Variants in ZNF521 observed in about 807,000 individuals in gnomAD.
ZNF521 encodes LYST-interacting protein 3.
Under a neutral mutation model 105.5 loss-of-function variants are expected in ZNF521, and 14 were observed. The observed-to-expected ratio is 0.13, with a 90% CI of 0.09 to 0.21. The LOEUF is 0.21. ZNF521 is among the 10% of genes least tolerant of loss of function. The probability of loss-of-function intolerance (pLI) is 1.00; values close to 1 mark genes in which losing one functional copy is unlikely to be tolerated. For missense variants in ZNF521, 1,233 were observed against 1,629.7 expected (o/e 0.76, Z 4.19); for synonymous variants, 635 against 606.0 (o/e 1.05, Z -0.70).
chr18:25,211,587 G>A (rs1413028925), intron 4 of ZNF521, among the ~76,000 whole-genome samples: 2 of 151,984 alleles, frequency 1.3e-5, no homozygotes, highest in Admixed American at 1.3e-4. Flanking sequence ...GGCAGTTTGC[G>A]TTTTTCCATC....
intron 5 of ZNF521, among the ~76,000 whole-genome samples, chr18:25,102,577 A>G (rs2033988905): frequency 6.6e-6 from 1 of 151,990 alleles, no homozygotes; most frequent in Non-Finnish European, 1.5e-5. Context: ...CCCAGGCTAG[A>G]GTACAGTATA....
intron 5 of ZNF521, among the ~76,000 whole-genome samples, chr18:25,174,474 C>A (rs905950196): frequency 6.6e-6 from 1 of 152,156 alleles, no homozygotes. Flanking sequence ...TAATGAACTG[C>A]TGCTTATTTT....
chr18:25,121,290 T>TTG (rs1491132776), intron 5 of ZNF521, among the ~76,000 whole-genome samples: 1,368 of 129,168 alleles, frequency 0.011, 21 homozygotes, highest in African/African-American at 0.034. Flanking sequence ...TTTTTTTTTT[T>TTG]GAGACAAAGT....
intron 3 of ZNF521, chr18:25,273,697 A>G (rs907029643): frequency 1.3e-5 from 2 of 152,192 alleles, no homozygotes; most frequent in Non-Finnish European, 2.9e-5. Flanking sequence ...AATATTTGTT[A>G]TAACTACTTA....
chr18:25,143,046 T>C (rs113758674), intron 5 of ZNF521, among the ~76,000 whole-genome samples: 24 of 152,274 alleles, frequency 1.6e-4, no homozygotes, highest in African/African-American at 5.8e-4. Flanking sequence ...TGACCTTCCC[T>C]TGACACAGAC....
intron 3 of ZNF521, among the ~76,000 whole-genome samples, chr18:25,261,715 C>T (rs1041874904): frequency 2.0e-5 from 3 of 151,606 alleles, no homozygotes; most frequent in Admixed American, 2.0e-4. Context: ...AGAGGCTGTC[C>T]AGTCTCGGAA....
chr18:25,214,529 T>G (rs1238946891), intron 4 of ZNF521, among the ~76,000 whole-genome samples: 1 of 152,192 alleles, frequency 6.6e-6, no homozygotes, highest in Non-Finnish European at 1.5e-5. Context: ...AAGTATATTT[T>G]CTAACAACTA....
chr18:25,163,503 T>C (rs542698472), intron 5 of ZNF521, among the ~76,000 whole-genome samples: 65 of 151,584 alleles, frequency 4.3e-4, no homozygotes, highest in Non-Finnish European at 8.0e-4. Context: ...AGGCCAGGAG[T>C]GTGAGGGCTG....
chr18:25,156,088 A>G (rs1357410459), intron 5 of ZNF521, among the ~76,000 whole-genome samples: 1 of 152,216 alleles, frequency 6.6e-6, no homozygotes, highest in Non-Finnish European at 1.5e-5. Flanking sequence ...TGCTAAAATG[A>G]GGAGATTATA....
chr18:25,256,479 C>G (rs551344349), intron 3 of ZNF521, among the ~76,000 whole-genome samples: 1 of 152,004 alleles, frequency 6.6e-6, no homozygotes, highest in African/African-American at 2.4e-5. Context: ...GCATAAATGC[C>G]TTAAAAGAAG....
intron 5 of ZNF521, among the ~76,000 whole-genome samples, chr18:25,163,979 G>A (rs921198219): frequency 1.3e-5 from 2 of 152,176 alleles, no homozygotes; most frequent in Non-Finnish European, 2.9e-5. Context: ...AGGACAGATC[G>A]AAATGTAATG....
At chr18:25,272,949 A>G (rs1909765325) in intron 3 of ZNF521, among the ~76,000 whole-genome samples, 1 of 151,974 alleles carries the variant, frequency 6.6e-6, no homozygotes, top group African/African-American at 2.4e-5. Context: ...CGTTTAGGCC[A>G]GGTATGGTGG....
At chr18:25,090,578 C>T (rs189945059) in intron 6 of ZNF521, among the ~76,000 whole-genome samples, 10 of 152,272 alleles carry the variant, frequency 6.6e-5, no homozygotes, top group Admixed American at 2.6e-4. Flanking sequence ...AAACAATTCA[C>T]GTCTGTCTGC....
At chr18:25,234,945 A>G (rs1271088089) in intron 3 of ZNF521, among the ~76,000 whole-genome samples, 1 of 152,136 alleles carries the variant, frequency 6.6e-6, no homozygotes, top group African/African-American at 2.4e-5. Flanking sequence ...TTTATTAACA[A>G]TATTATTATT....
At chr18:25,069,628 A>G (rs1484778801) in intron 7 of ZNF521, among the ~76,000 whole-genome samples, 3 of 152,206 alleles carry the variant, frequency 2.0e-5, no homozygotes, top group African/African-American at 7.2e-5. Context: ...CATCAGGACC[A>G]TATCTGTGGA....
intron 5 of ZNF521, among the ~76,000 whole-genome samples, chr18:25,170,366 G>A (rs1167194450): frequency 1.3e-5 from 2 of 151,920 alleles, no homozygotes; most frequent in Non-Finnish European, 1.5e-5. Flanking sequence ...ACTGTGCTTG[G>A]CAATGACTGA....
chr18:25,064,497 A>G (rs892014752), intron 7 of ZNF521, among the ~76,000 whole-genome samples: 7 of 152,196 alleles, frequency 4.6e-5, no homozygotes, highest in African/African-American at 1.7e-4. Flanking sequence ...AATCAACAGT[A>G]CTCACGAGAC....
intron 5 of ZNF521, among the ~76,000 whole-genome samples, chr18:25,176,388 C>T (rs905626285): frequency 4.6e-5 from 7 of 152,186 alleles, no homozygotes; most frequent in Non-Finnish European, 1.0e-4. Flanking sequence ...ACTCTTTTAA[C>T]ACATCATGTA....
Position 25,227,591 on chromosome 18 carries a change from C to T in ZNF521, c.327G>A (p.Glu109=), listed in dbSNP as rs1475532302. 1.2e-6 allele frequency: 2 copies of T among 1,614,008 alleles called. No homozygotes were observed. Among genetic ancestry groups the T allele is most frequent in the African/African-American group, 1.3e-5 (1 of 74,902 alleles). ...PSHGEGCDFG[E]EEGGPGLPYP... ...ATGGAAGCCCAGGGCCACCTTCTTC[C>T]TCTCCAAAATCGCAACCTTCTCCAT... The change falls in exon 4 of 8, where the codon GAG becomes GAA. Residue 109 remains glutamate, a synonymous_variant. Transcript: ENST00000361524. This position sits in a 1 kb window ranked among gnomAD's most constrained non-coding sequence, Gnocchi z 5.7.
Sources: allele counts gnomAD v4.1 joint callset (sites outside exome capture counted in the v4.1 genomes callset), GRCh38; gene constraint gnomAD v4.1.1; non-coding constraint Gnocchi (gnomAD v3.1); transcripts MANE v1.5; gene names NCBI Gene and HGNC (gene_info 2026-07-23, HGNC 2026-07-21).